The following ESR1 variants were observed in gnomAD, a reference collection of about 807,000 sequenced individuals.
ESR1 encodes the protein estrogen receptor 1.
In ESR1, 12 loss-of-function variants were observed where a neutral mutation model predicts 52.7. The ratio of observed to expected loss-of-function variants is 0.23; its 90% CI spans 0.15 to 0.37. The LOEUF (loss-of-function observed/expected upper bound fraction) is 0.37, where lower values mean the gene tolerates loss of function less well. Among genes scored for constraint, ESR1 ranks in the 10% least tolerant of loss-of-function variants. The pLI is 1.00. For synonymous variants in ESR1, 305 were observed against 316.8 expected (o/e 0.96, Z 0.39); for missense variants, 584 against 779.7 (o/e 0.75, Z 2.99).
intron 2 of ESR1, among the ~76,000 whole-genome samples, chr6:151,759,890 G>A (rs1784546600): frequency 6.6e-6 from 1 of 152,158 alleles, no homozygotes; most frequent in Admixed American, 6.5e-5. Context: ...AGTAACTGCG[G>A]TTTTTGCCAT....
intron 2 of ESR1, among the ~76,000 whole-genome samples, chr6:151,777,057 G>A (rs1562397204): frequency 1.3e-5 from 2 of 151,842 alleles, no homozygotes; most frequent in East Asian, 3.9e-4. Context: ...GTGGAAGCTG[G>A]CTCTGAGCAT....
At position 151,947,715 on chromosome 6, in the gene ESR1, A is replaced by G. The variant is rs147881502; in HGVS notation, c.1096+3207A>G. On this transcript the variant is annotated intron_variant, in intron 4 of 7. Transcript: ENST00000206249. ...AGAGCTTTGGGATAGAATGCATCAT[A>G]CAAGTGTGAGAGTCAAGTTCCAATC... 1.1e-4 allele frequency among the ~76,000 whole-genome samples: 16 copies of G among 152,338 alleles called. No homozygotes were observed. The East Asian group carries it at 3.1e-3, about 29-fold the overall frequency.
chr6:152,045,935 A>G (rs932470285), intron 5 of ESR1, among the ~76,000 whole-genome samples: 4 of 152,200 alleles, frequency 2.6e-5, no homozygotes, highest in African/African-American at 4.8e-5. Flanking sequence ...TTATTGTCCT[A>G]TTTGCACTGA....
intron 5 of ESR1, among the ~76,000 whole-genome samples, chr6:152,052,707 C>T (rs1031757074): frequency 6.6e-6 from 1 of 152,074 alleles, no homozygotes; most frequent in African/African-American, 2.4e-5. Flanking sequence ...AGAGAAGTTT[C>T]CCTGGACCCA....
chr6:151,782,300 TAAAG>T (rs1786621472), intron 2 of ESR1, among the ~76,000 whole-genome samples: 2 of 152,248 alleles, frequency 1.3e-5, no homozygotes, highest in African/African-American at 4.8e-5. Context: ...TTAAAAATTA[TAAAG>T]AAACAAGAAT....
At chr6:151,899,738 A>G (rs1256167252) in intron 3 of ESR1, among the ~76,000 whole-genome samples, 3 of 140,558 alleles carry the variant, frequency 2.1e-5, no homozygotes, top group Non-Finnish European at 3.1e-5. Flanking sequence ...CCCGGCAGAG[A>G]CGCTCCTCAC....
chr6:152,010,886 T>TTCTTCTTCTTCCTCCTCCTCC (rs1208509469), intron 4 of ESR1, among the ~76,000 whole-genome samples: 11 of 148,994 alleles, frequency 7.4e-5, no homozygotes, highest in Non-Finnish European at 1.5e-4. Flanking sequence ...CTCCTTCTCC[T>TTCTTCTTCTTCCTCCTCCTCC]TCTTCTTCTT....
intron 2 of ESR1, among the ~76,000 whole-genome samples, chr6:151,847,964 T>C (rs1275859688): frequency 1.2e-3 from 172 of 147,088 alleles, no homozygotes; most frequent in African/African-American, 4.1e-3. Context: ...TTGACCCAGC[T>C]ATCCCATTAC....
chr6:151,888,469 T>A lies in ESR1; in HGVS notation c.760+7698T>A, dbSNP rs545409335. Among the ~76,000 whole-genome samples the A allele has an allele frequency of 3.3e-5, 5 of 152,270 alleles. 1 individual carries two copies. In the South Asian group the frequency reaches 1.0e-3, roughly 32 times the overall value. On this transcript the variant is annotated intron_variant, in intron 3 of 7. Coordinates refer to ENST00000206249, the MANE Select transcript of ESR1 (RefSeq NM_000125.4). ...CTTCTTGATTTCTTTTTTTGGATAGTTTGCTGTTAGTGTATAGAAACACTA... is the reference window on the plus strand; with the variant it reads ...CTTCTTGATTTCTTTTTTTGGATAGATTGCTGTTAGTGTATAGAAACACTA...
At chr6:151,690,248 ACTTCAAG>A (rs557845858), upstream of ESR1, among the ~76,000 whole-genome samples, 334 of 152,276 alleles carry the variant, frequency 2.2e-3, 4 homozygotes, top group Admixed American at 0.019. Flanking sequence ...GCCTGTCTAG[ACTTCAAG>A]CTTTATTACG....
chr6:151,894,806 GA>G, intron 3 of ESR1, among the ~76,000 whole-genome samples: 1 of 152,238 alleles, frequency 6.6e-6, no homozygotes, highest in African/African-American at 2.4e-5. Flanking sequence ...AGTATAGTTT[GA>G]AATCAGGTAA....
chr6:151,969,909 A>G (rs945894014), intron 4 of ESR1, among the ~76,000 whole-genome samples: 1 of 150,576 alleles, frequency 6.6e-6, no homozygotes, highest in Non-Finnish European at 1.5e-5. Context: ...TTTAAAACAC[A>G]ACAAATTTTT....
intron 4 of ESR1, among the ~76,000 whole-genome samples, chr6:151,990,243 A>AGT (rs368882682): frequency 0.024 from 3,639 of 150,726 alleles, 74 homozygotes; most frequent in South Asian, 0.073. Context: ...TTGTGGAATG[A>AGT]GTGTGTGTGT....
intron 1 of ESR1, among the ~76,000 whole-genome samples, chr6:151,835,508 T>C (rs186311364): frequency 4.7e-4 from 71 of 152,318 alleles, no homozygotes; most frequent in African/African-American, 1.7e-3. Flanking sequence ...AGTGTCTAAC[T>C]AGATGTCATG....
intron 2 of ESR1, among the ~76,000 whole-genome samples, chr6:151,739,865 A>G (rs1464579126): frequency 1.3e-5 from 2 of 152,116 alleles, no homozygotes; most frequent in African/African-American, 2.4e-5. Context: ...CTTCTACTAC[A>G]TGGTCCTTAT....
At position 152,098,923 on chromosome 6, in the gene ESR1, A is replaced by T. The variant is rs1193284153; in HGVS notation, c.1745A>T (p.Tyr582Phe). ...GSTSSHSLQK[Y>F]YITGEAEGFP... ...ACTTCATCGCATTCCTTGCAAAAGT[A>T]TTACATCACGGGGGAGGCAGAGGGT... is the stretch of plus-strand genomic sequence containing the variant. The change falls in exon 8 of 8, where the codon TAT becomes TTT. Residue 582 changes from tyrosine to phenylalanine, a missense_variant. By Grantham distance (22) the Tyr-to-Phe change is conservative (BLOSUM62 3). This residue lies in a region of ESR1 where 71 missense variants were observed against 66.1 expected (regional missense o/e 1.07). Coordinates refer to ENST00000206249, the MANE Select transcript of ESR1 (RefSeq NM_000125.4). This position sits in a 1 kb window ranked among gnomAD's most constrained non-coding sequence, Gnocchi z 5.1. 2 of 1,614,190 alleles carry T rather than the reference A, an allele frequency of 1.2e-6. No individual in the cohort carries two copies. Among genetic ancestry groups the T allele is most frequent in the Non-Finnish European group, 8.5e-7 (1 of 1,180,044 alleles).
chr6:151,956,239 C>T (rs1225057153), intron 4 of ESR1, among the ~76,000 whole-genome samples: 1 of 152,124 alleles, frequency 6.6e-6, no homozygotes, highest in Non-Finnish European at 1.5e-5. Context: ...TGAGTATATA[C>T]CCAGTAGTGG....
At chr6:152,009,317 G>C (rs1306527603) in intron 4 of ESR1, among the ~76,000 whole-genome samples, 2 of 152,064 alleles carry the variant, frequency 1.3e-5, no homozygotes, top group East Asian at 3.9e-4. Flanking sequence ...GTAGTGGAAG[G>C]TGCAATAAAT....
At chr6:151,853,986 G>A (rs530194888) in intron 2 of ESR1, among the ~76,000 whole-genome samples, 59 of 152,268 alleles carry the variant, frequency 3.9e-4, no homozygotes, top group African/African-American at 1.1e-3. Flanking sequence ...TCAAAATTAT[G>A]TGCTGACACT....
Sources: gnomAD v4.1 joint callset for allele counts (sites outside exome capture counted in the v4.1 genomes callset) on GRCh38, gnomAD v4.1.1 for gene constraint, gnomAD v4.1.1 regional missense constraint, Gnocchi (gnomAD v3.1) non-coding constraint, MANE v1.5 for transcripts, NCBI Gene and HGNC (gene_info 2026-07-23, HGNC 2026-07-21) for gene names.